HS6ST3: variants seen among roughly 807,000 people sequenced by gnomAD.
The protein encoded by HS6ST3 is heparan sulfate 6-O-sulfotransferase 3, also known as heparan-sulfate 6-O-sulfotransferase 3.
A neutral mutation model predicts 36.7 loss-of-function variants in HS6ST3; 12 were observed. The ratio of observed to expected loss-of-function variants is 0.33; its 90% CI spans 0.21 to 0.53. The LOEUF (loss-of-function observed/expected upper bound fraction) is 0.53, where lower values mean the gene tolerates loss of function less well. HS6ST3 is among the 20% of genes least tolerant of loss of function. The probability of loss-of-function intolerance (pLI) is 0.95; values close to 1 mark genes in which losing one functional copy is unlikely to be tolerated. For missense variants in HS6ST3, 584 were observed against 640.9 expected (o/e 0.91, Z 0.96); for synonymous variants, 240 against 257.5 (o/e 0.93, Z 0.65).
intron 1 of HS6ST3, among the ~76,000 whole-genome samples, chr13:96,628,225 G>C (rs886317677): frequency 1.3e-5 from 2 of 151,782 alleles, no homozygotes; most frequent in Non-Finnish European, 2.9e-5. Context: ...TGATCATTCA[G>C]CAATTCATTT....
intron 1 of HS6ST3, among the ~76,000 whole-genome samples, chr13:96,285,555 G>A (rs984346323): frequency 6.6e-6 from 1 of 152,138 alleles, no homozygotes; most frequent in African/African-American, 2.4e-5. Context: ...TTGGTGTTCT[G>A]AGGAATAAGT....
Position 96,406,277 on chromosome 13 carries a change from A to T in HS6ST3, c.707+314708A>T, listed in dbSNP as rs186742273. Among the ~76,000 whole-genome samples, 400 of 152,324 alleles carry T rather than the reference A, an allele frequency of 2.6e-3. 1 individual carries two copies. The highest frequency in any genetic ancestry group is 6.8e-3 in the South Asian group (33 of 4,830). On this transcript the variant is annotated intron_variant, in intron 1 of 1. Coordinates refer to ENST00000376705, the MANE Select transcript of HS6ST3 (RefSeq NM_153456.4). Reference sequence around the variant, plus strand: ...GTAAAATCATTCAACTAACACTTTGAAGAGAATATAAGACTTATACCATAA... The same window carrying T: ...GTAAAATCATTCAACTAACACTTTGTAGAGAATATAAGACTTATACCATAA...
intron 1 of HS6ST3, among the ~76,000 whole-genome samples, chr13:96,657,268 C>T (rs1037088508): frequency 6.6e-5 from 10 of 152,004 alleles, no homozygotes; most frequent in East Asian, 1.9e-4. Flanking sequence ...TTCACTTTTA[C>T]GATGCTTTAA....
chr13:96,243,237 T>C (rs1168756335), intron 1 of HS6ST3, among the ~76,000 whole-genome samples: 4 of 152,230 alleles, frequency 2.6e-5, no homozygotes, highest in African/African-American at 7.2e-5. Context: ...GTGGCTTCCA[T>C]ATTGGGCAAT....
At chr13:96,258,593 G>A (rs1015145535) in intron 1 of HS6ST3, among the ~76,000 whole-genome samples, 3 of 152,138 alleles carry the variant, frequency 2.0e-5, no homozygotes, top group African/African-American at 7.2e-5. Flanking sequence ...GTTTGTCAGA[G>A]CAATGGGCAC....
intron 1 of HS6ST3, among the ~76,000 whole-genome samples, chr13:96,350,811 T>G (rs1242983899): frequency 6.6e-6 from 1 of 152,222 alleles, no homozygotes; most frequent in African/African-American, 2.4e-5. Context: ...GCTTCCAACA[T>G]TATTAAAAAT....
chr13:96,240,539 T>C (rs1196740274), intron 1 of HS6ST3, among the ~76,000 whole-genome samples: 2 of 152,170 alleles, frequency 1.3e-5, no homozygotes, highest in Non-Finnish European at 2.9e-5. Flanking sequence ...AAGCCTTTTA[T>C]TTAAGTAGGA....
intron 1 of HS6ST3, among the ~76,000 whole-genome samples, chr13:96,105,077 A>AAG (rs1234906134): frequency 6.6e-6 from 1 of 151,048 alleles, no homozygotes; most frequent in Non-Finnish European, 1.5e-5. Flanking sequence ...AAAAAAAAAA[A>AAG]AAAGAAAAAG....
chr13:96,714,481 G>A (rs1875642780), intron 1 of HS6ST3, among the ~76,000 whole-genome samples: 1 of 152,088 alleles, frequency 6.6e-6, no homozygotes, highest in Admixed American at 6.5e-5. Flanking sequence ...CAAAATTAAA[G>A]TTTTAGGATG....
chr13:96,600,990 G>A (rs1478164634), intron 1 of HS6ST3, among the ~76,000 whole-genome samples: 1 of 152,066 alleles, frequency 6.6e-6, no homozygotes, highest in African/African-American at 2.4e-5. Context: ...CTAAAGATAG[G>A]ATCCCAACCC....
intron 1 of HS6ST3, among the ~76,000 whole-genome samples, chr13:96,233,874 A>G (rs1455960288): frequency 6.6e-6 from 1 of 152,152 alleles, no homozygotes; most frequent in African/African-American, 2.4e-5. Flanking sequence ...TTGGGGATTT[A>G]GTGTTAAGGA....
intron 1 of HS6ST3, among the ~76,000 whole-genome samples, chr13:96,173,713 A>G (rs932082259): frequency 6.6e-6 from 1 of 151,654 alleles, no homozygotes; most frequent in Non-Finnish European, 1.5e-5. Flanking sequence ...GAGGATAGTA[A>G]TATTTACTTA....
intron 1 of HS6ST3, among the ~76,000 whole-genome samples, chr13:96,242,544 A>G (rs2054565862): frequency 1.3e-5 from 2 of 151,968 alleles, no homozygotes; most frequent in Non-Finnish European, 2.9e-5. Context: ...TCCTTACATA[A>G]GTGGAATCAT....
chr13:96,516,357 C>A (rs991978371), intron 1 of HS6ST3, among the ~76,000 whole-genome samples: 1 of 152,076 alleles, frequency 6.6e-6, no homozygotes, highest in African/African-American at 2.4e-5. Context: ...TCCCGGCCAA[C>A]ATTTATATCA....
chr13:96,658,296 T>TTTTC (rs1467303957), intron 1 of HS6ST3, among the ~76,000 whole-genome samples: 1 of 87,384 alleles, frequency 1.1e-5, no homozygotes, highest in Non-Finnish European at 2.4e-5. Context: ...TTTTTTTTTT[T>TTTTC]TTGAGATGGC....
chr13:96,683,503 A>G (rs562745212), intron 1 of HS6ST3, among the ~76,000 whole-genome samples: 33 of 152,202 alleles, frequency 2.2e-4, no homozygotes, highest in African/African-American at 7.7e-4. Flanking sequence ...GGTTTAATAC[A>G]TTTATAATTT....
At chr13:96,700,318 T>C (rs949328616) in intron 1 of HS6ST3, among the ~76,000 whole-genome samples, 1 of 152,134 alleles carries the variant, frequency 6.6e-6, no homozygotes, top group African/African-American at 2.4e-5. Flanking sequence ...CTCGTGAGAC[T>C]TATTCACTAC....
At chr13:96,196,511 T>C (rs762464019) in intron 1 of HS6ST3, among the ~76,000 whole-genome samples, 17 of 152,160 alleles carry the variant, frequency 1.1e-4, no homozygotes, top group Admixed American at 2.6e-4. Flanking sequence ...TTTTGGACAG[T>C]TGATACAAAA....
At chr13:96,273,400 G>A (rs2054730909) in intron 1 of HS6ST3, among the ~76,000 whole-genome samples, 1 of 152,010 alleles carries the variant, frequency 6.6e-6, no homozygotes, top group Admixed American at 6.6e-5. Flanking sequence ...TGGGTCCCAC[G>A]TGATGGCTGG....
Sources: allele counts gnomAD v4.1 joint callset (sites outside exome capture counted in the v4.1 genomes callset), GRCh38; gene constraint gnomAD v4.1.1; transcripts MANE v1.5; gene names NCBI Gene and HGNC (gene_info 2026-07-23, HGNC 2026-07-21).